Variants in OPRM1 observed in about 807,000 individuals in gnomAD.
OPRM1 encodes the protein mu-type opioid receptor.
In OPRM1, 27 loss-of-function variants were observed where a neutral mutation model predicts 31.8. The observed-to-expected ratio is 0.85, with a 90% CI of 0.63 to 1.17. OPRM1 has a LOEUF of 1.17. OPRM1 is among the 50% of genes most tolerant of loss of function. The pLI, the probability that OPRM1 is intolerant of heterozygous loss-of-function variation, is 0.00. For missense variants in OPRM1, 536 were observed against 511.1 expected, an observed-to-expected ratio of 1.05 and a Z score of -0.47; for synonymous variants, 196 against 189.9, an observed-to-expected ratio of 1.03 and a Z score of -0.26.
chr6:154,134,681 C>T (rs1479445529), downstream of OPRM1, among the ~76,000 whole-genome samples: 2 of 152,266 alleles, frequency 1.3e-5, no homozygotes, highest in Non-Finnish European at 2.9e-5. Flanking sequence ...GACTCCTCAC[C>T]CTCAAGCTTC....
In OPRM1 at chr6:154,189,922, C is replaced by T. The variant is rs369208158; in HGVS notation, c.1165-56771C>T. Among the ~76,000 whole-genome samples the T allele has an allele frequency of 5.0e-3, 752 of 150,692 alleles. 2 individuals are homozygous for T. The highest frequency in any genetic ancestry group is 0.017 in the African/African-American group (697 of 40,838). On this transcript the variant is annotated intron_variant, in intron 3 of 3. Coordinates refer to the OPRM1 transcript ENST00000337049. ...ATGCACCACTACACTCCAGCCTGGG[C>T]GACAGAGTAAGACTCAGTCTCAAAA...
intron 1 of OPRM1, among the ~76,000 whole-genome samples, chr6:154,088,830 G>T (rs1791288335): frequency 6.6e-6 from 1 of 152,138 alleles, no homozygotes; most frequent in Non-Finnish European, 1.5e-5. Flanking sequence ...TTCTTCCCCA[G>T]TCAGATCCCT....
intron 3 of OPRM1, among the ~76,000 whole-genome samples, chr6:154,140,044 G>A (rs529740353): frequency 1.3e-4 from 20 of 152,234 alleles, no homozygotes; most frequent in African/African-American, 4.8e-4. Flanking sequence ...AAACCAGAAC[G>A]GAGGGCCTGA....
intron 3 of OPRM1, among the ~76,000 whole-genome samples, chr6:154,183,741 A>C (rs1801094624): frequency 6.6e-6 from 1 of 152,078 alleles, no homozygotes; most frequent in Admixed American, 6.6e-5. Flanking sequence ...TGTACCAAAA[A>C]TACAAAAATT....
chr6:154,047,622 C>T (rs1781384580), intron 1 of OPRM1, among the ~76,000 whole-genome samples: 1 of 152,170 alleles, frequency 6.6e-6, no homozygotes, highest in Non-Finnish European at 1.5e-5. Context: ...AGGGCTTTCC[C>T]ATAAGATGAA....
intron 3 of OPRM1, chr6:154,093,536 T>G (rs199853993): frequency 1.3e-6 from 2 of 1,557,492 alleles, no homozygotes; most frequent in African/African-American, 1.4e-5. Flanking sequence ...TACAGCCAGA[T>G]AGAAGAGAAA....
intron 3 of OPRM1, among the ~76,000 whole-genome samples, chr6:154,240,327 A>C (rs574262036): frequency 6.6e-6 from 1 of 152,340 alleles, no homozygotes; most frequent in East Asian, 1.9e-4. Context: ...CTTATGTTGT[A>C]GCTGGGGGAG....
intron 3 of OPRM1, among the ~76,000 whole-genome samples, chr6:154,164,976 G>C (rs1799311913): frequency 6.6e-6 from 1 of 152,112 alleles, no homozygotes; most frequent in Non-Finnish European, 1.5e-5. Flanking sequence ...TACTATCCCA[G>C]TGCAGGGATT....
At chr6:154,170,667 C>A (rs564689437) in intron 3 of OPRM1, among the ~76,000 whole-genome samples, 2 of 152,200 alleles carry the variant, frequency 1.3e-5, no homozygotes, top group African/African-American at 4.8e-5. Flanking sequence ...CAAAAGTGGG[C>A]TTTTGTCAAT....
At chr6:154,084,100 C>CT (rs529549343) in intron 1 of OPRM1, among the ~76,000 whole-genome samples, 109 of 152,174 alleles carry the variant, frequency 7.2e-4, no homozygotes, top group African/African-American at 2.6e-3. Context: ...TTGAGGTAAA[C>CT]TAGCAAGCAA....
At chr6:154,233,997 C>T (rs1194848540) in intron 3 of OPRM1, among the ~76,000 whole-genome samples, 1 of 152,104 alleles carries the variant, frequency 6.6e-6, no homozygotes, top group Non-Finnish European at 1.5e-5. Flanking sequence ...TCTCTTGAGG[C>T]TAGGAGTTCA....
At chr6:154,210,150 A>G (rs1777849209) in intron 3 of OPRM1, among the ~76,000 whole-genome samples, 1 of 152,174 alleles carries the variant, frequency 6.6e-6, no homozygotes. Context: ...CACCAGGGAG[A>G]GTTCTAGAAG....
Position 154,091,305 on chromosome 6 carries a change from C to T in OPRM1, c.997C>T (p.Leu333Phe). The T allele has an allele frequency of 3.1e-6, 5 of 1,614,228 alleles. No homozygotes were observed. Among genetic ancestry groups the T allele is most frequent in the Non-Finnish European group, 4.2e-6 (5 of 1,180,034 alleles). ...TGCTCTAGGTTACACAAACAGCTGCCTCAACCCAGTCCTTTATGCATTTCT... is the reference window on the plus strand; with the variant it reads ...TGCTCTAGGTTACACAAACAGCTGCTTCAACCCAGTCCTTTATGCATTTCT... ...CIALGYTNSC[L>F]NPVLYAFLDE... is the part of the protein sequence containing the mutation. Residue 333 changes from leucine (L) to phenylalanine (F), a missense_variant, in exon 3 of 4, where the codon CTC becomes TTC. Coordinates refer to ENST00000330432, the MANE Select transcript of OPRM1 (RefSeq NM_000914.5).
chr6:154,097,293 G>A lies in OPRM1; in HGVS notation c.1164+5821G>A, dbSNP rs535432122. Among the ~76,000 whole-genome samples, 3 of 152,252 alleles carry A rather than the reference G, an allele frequency of 2.0e-5. 1 individual carries two copies. The highest frequency in any genetic ancestry group is 1.9e-4 in the East Asian group (1 of 5,190). On this transcript the variant is annotated intron_variant, in intron 3 of 3. Transcript: ENST00000330432. ...ATCAAAATAGCGGGTCAAGAAGTTA[G>A]GAGATGCTCTGTATTTGGTTTAACT...
intron 3 of OPRM1, among the ~76,000 whole-genome samples, chr6:154,244,611 CT>C (rs1339943978): frequency 1.3e-5 from 2 of 152,120 alleles, no homozygotes; most frequent in Non-Finnish European, 2.9e-5. Flanking sequence ...ACTGCTGCTC[CT>C]TGTGGAAGCA....
chr6:154,181,673 C>A (rs1442865297), intron 3 of OPRM1, among the ~76,000 whole-genome samples: 1 of 152,194 alleles, frequency 6.6e-6, no homozygotes, highest in Non-Finnish European at 1.5e-5. Flanking sequence ...CCACCCGGAG[C>A]CTCTGCTGCT....
At chr6:154,091,714 T>C (rs1410759878) in intron 3 of OPRM1, 1 of 1,254,372 alleles carries the variant, frequency 8.0e-7, no homozygotes. Flanking sequence ...CTATTCAAAA[T>C]AACTATTTTT....
At chr6:154,104,450 A>AT (rs1323750635) in intron 3 of OPRM1, among the ~76,000 whole-genome samples, 1 of 152,228 alleles carries the variant, frequency 6.6e-6, no homozygotes, top group African/African-American at 2.4e-5. Context: ...GCTGATTGTA[A>AT]TGTGCCCAGA....
intron 1 of OPRM1, among the ~76,000 whole-genome samples, chr6:154,065,503 G>C (rs1412543445): frequency 6.6e-6 from 1 of 151,894 alleles, no homozygotes; most frequent in Non-Finnish European, 1.5e-5. Flanking sequence ...ATACCTAAGT[G>C]TTTTATTACA....
Sources: gnomAD v4.1 joint callset for allele counts (sites outside exome capture counted in the v4.1 genomes callset) on GRCh38, gnomAD v4.1.1 for gene constraint, MANE v1.5 for transcripts, NCBI Gene and HGNC (gene_info 2026-07-23, HGNC 2026-07-21) for gene names.